SHROOM4: variants seen among roughly 807,000 people sequenced by gnomAD.
SHROOM4 encodes the protein protein Shroom4.
SHROOM4 carries 17 observed loss-of-function variants against 80.3 expected under a neutral mutation model. The ratio of observed to expected loss-of-function variants is 0.21; its 90% CI spans 0.14 to 0.32. The LOEUF is 0.32. Ranked by LOEUF, SHROOM4 falls within the 10% of genes least tolerant of loss-of-function variation. The probability of loss-of-function intolerance (pLI) is 1.00; values close to 1 mark genes in which losing one functional copy is unlikely to be tolerated. For missense variants in SHROOM4, 993 were observed against 1,140.3 expected (o/e 0.87, Z 1.86); for synonymous variants, 400 against 437.5 (o/e 0.91, Z 1.07).
chrX:50,792,310 C>A (rs1935869627), intron 1 of SHROOM4, among the ~76,000 whole-genome samples: 1 of 111,176 alleles, frequency 9.0e-6, no homozygotes, highest in Non-Finnish European at 1.9e-5. Context: ...ACCAGTCTGG[C>A]CAACATGGTG....
chrX:50,647,108 T>C (rs1463595876), intron 2 of SHROOM4, among the ~76,000 whole-genome samples: 1 of 111,728 alleles, frequency 9.0e-6, no homozygotes, highest in Non-Finnish European at 1.9e-5. Flanking sequence ...CTTAGTACTT[T>C]AGAAATGCAG....
intron 5 of SHROOM4, among the ~76,000 whole-genome samples, chrX:50,623,599 CT>C (rs1930673584): frequency 8.9e-6 from 1 of 111,983 alleles, no homozygotes; most frequent in Admixed American, 9.5e-5. Context: ...GGTGCAGTCG[CT>C]TTAGAAAACG....
At chrX:50,785,595 G>T (rs782503180) in intron 1 of SHROOM4, among the ~76,000 whole-genome samples, 1 of 111,492 alleles carries the variant, frequency 9.0e-6, no homozygotes, top group Admixed American at 9.5e-5. Context: ...TGTATAATTC[G>T]ATTGGCATAA....
At chrX:50,610,628 T>C (rs1257392033) in intron 5 of SHROOM4, among the ~76,000 whole-genome samples, 1 of 111,772 alleles carries the variant, frequency 8.9e-6, no homozygotes, top group Non-Finnish European at 1.9e-5. Context: ...GTCTGTCTCA[T>C]TCATAGGTTT....
chrX:50,737,365 A>C (rs1257121920), intron 1 of SHROOM4, among the ~76,000 whole-genome samples: 14 of 111,663 alleles, frequency 1.3e-4, no homozygotes, highest in African/African-American at 4.5e-4. Context: ...CAAATCAATG[A>C]CATTAAATTT....
At chrX:50,609,516 T>C (rs1304869182) in intron 5 of SHROOM4, among the ~76,000 whole-genome samples, 2 of 110,688 alleles carry the variant, frequency 1.8e-5, no homozygotes, top group African/African-American at 3.3e-5. Context: ...AGACTACCTA[T>C]AAAAACATCA....
chrX:50,664,101 C>G (rs1932609178), intron 2 of SHROOM4, among the ~76,000 whole-genome samples: 1 of 112,052 alleles, frequency 8.9e-6, no homozygotes, highest in African/African-American at 3.2e-5. Context: ...CAGGTACTTT[C>G]TCTTGAAGTA....
intron 2 of SHROOM4, among the ~76,000 whole-genome samples, chrX:50,693,971 T>C (rs1602439309): frequency 9.0e-6 from 1 of 111,650 alleles, no homozygotes; most frequent in East Asian, 2.8e-4. Context: ...ACATGTAATA[T>C]TTGTCTTTCT....
intron 1 of SHROOM4, among the ~76,000 whole-genome samples, chrX:50,704,306 C>T (rs1933599342): frequency 8.9e-6 from 1 of 112,290 alleles, no homozygotes; most frequent in African/African-American, 3.2e-5. Flanking sequence ...TTAAATTCCA[C>T]CAGACTGTTA....
At chrX:50,707,557 T>C (rs1933707981) in intron 1 of SHROOM4, among the ~76,000 whole-genome samples, 1 of 111,364 alleles carries the variant, frequency 9.0e-6, no homozygotes, top group Non-Finnish European at 1.9e-5. Context: ...AGTTTAATGG[T>C]TCTCTGGCAA....
chrX:50,577,131 T>C, the SHROOM4 span, among the ~76,000 whole-genome samples: 1 of 112,457 alleles, frequency 8.9e-6, no homozygotes, highest in African/African-American at 3.2e-5. Context: ...TGACAGATTC[T>C]TTTAGTTTTC....
Position 50,592,300 on chromosome X carries a change from TG to T in SHROOM4, c.*4394del, listed in dbSNP as rs1446744357. 3 of 285,827 alleles carry T rather than the reference TG, an allele frequency of 1.0e-5. No homozygotes were observed. Among genetic ancestry groups the T allele is most frequent in the Admixed American group, 3.7e-5 (1 of 26,755 alleles). The allele number at this position is 285,827 out of a possible 1,213,427, so 23.6% of individuals were successfully genotyped here. ...AAATTCAGACTGCTATCACTGGGTT[TG>T]GGGTGGGCCTGGGATTCTGCCTAAT... On this transcript the variant is annotated 3_prime_UTR_variant, in exon 9 of 9. Coordinates refer to ENST00000376020, the MANE Select transcript of SHROOM4 (RefSeq NM_020717.5).
At chrX:50,732,268 G>A (rs1234582673) in intron 1 of SHROOM4, among the ~76,000 whole-genome samples, 1 of 111,393 alleles carries the variant, frequency 9.0e-6, no homozygotes, top group Non-Finnish European at 1.9e-5. Flanking sequence ...AAGACTGCGT[G>A]TGTGCTGGAG....
chrX:50,756,226 A>G (rs1199971602), intron 1 of SHROOM4, among the ~76,000 whole-genome samples: 4 of 112,151 alleles, frequency 3.6e-5, no homozygotes, highest in Non-Finnish European at 5.6e-5. Flanking sequence ...AACATTTCAT[A>G]TACAATAAAT....
intron 3 of SHROOM4, 125 bp from the exon 4 acceptor site, chrX:50,635,793 G>A (rs1178561279): frequency 4.9e-5 from 27 of 548,110 alleles, no homozygotes; most frequent in Middle Eastern, 5.2e-4. Flanking sequence ...AAAAAAAAAG[G>A]GGGAAGAAAG....
At position 50,634,357 on chromosome X, in the gene SHROOM4, T is replaced by C. The variant is rs1931227379; in HGVS notation, c.1716A>G (p.Gly572=). The C allele has an allele frequency of 8.3e-7, 1 of 1,208,822 alleles. No individual in the cohort carries two copies. The highest frequency in any genetic ancestry group is 1.1e-6 in the Non-Finnish European group (1 of 894,932). ...TTTGGATCGAGCGGCCCCGGGTCCCTCCACTTCGCCTACCACCCATCCGGC... is the reference window on the plus strand; with the variant it reads ...TTTGGATCGAGCGGCCCCGGGTCCCCCCACTTCGCCTACCACCCATCCGGC... ...ECSRMGGRRS[G]GTRGRSIQNR... The change falls in exon 4 of 9, where the codon GGA becomes GGG. Residue 572 remains glycine, a synonymous_variant. Transcript: ENST00000376020.
At chrX:50,797,978 A>G (rs1936050238) in intron 1 of SHROOM4, among the ~76,000 whole-genome samples, 1 of 111,162 alleles carries the variant, frequency 9.0e-6, no homozygotes, top group Non-Finnish European at 1.9e-5. Flanking sequence ...TTCCATGAAC[A>G]TTTATCATCT....
chrX:50,693,201 G>A (rs1933266793), intron 2 of SHROOM4, among the ~76,000 whole-genome samples: 1 of 111,382 alleles, frequency 9.0e-6, no homozygotes, highest in African/African-American at 3.3e-5. Flanking sequence ...GGAAGAGCAG[G>A]TAGTAAAGAG....
the SHROOM4 span, among the ~76,000 whole-genome samples, chrX:50,579,105 T>A: frequency 1.8e-5 from 2 of 112,202 alleles, no homozygotes; most frequent in Non-Finnish European, 3.8e-5. Flanking sequence ...ATGTAGATAC[T>A]GATAAATTTA....
Sources: gnomAD v4.1 joint callset for allele counts (sites outside exome capture counted in the v4.1 genomes callset) on GRCh38, gnomAD v4.1.1 for gene constraint, MANE v1.5 for transcripts, NCBI Gene and HGNC (gene_info 2026-07-23, HGNC 2026-07-21) for gene names.